COL12A1: variants seen among roughly 807,000 people sequenced by gnomAD.
COL12A1 encodes collagen alpha-1(XII) chain.
Under a neutral mutation model 349.7 loss-of-function variants are expected in COL12A1, and 114 were observed. The observed-to-expected ratio is 0.33, with a 90% CI of 0.28 to 0.38. The LOEUF (loss-of-function observed/expected upper bound fraction) is 0.38. COL12A1 is among the 10% of genes least tolerant of loss of function. The pLI, the probability that COL12A1 is intolerant of heterozygous loss-of-function variation, is 1.00. For missense variants in COL12A1, 3,284 were observed against 3,756.9 expected, an observed-to-expected ratio of 0.87 and a Z score of 3.29; for synonymous variants, 1,369 against 1,329.0, an observed-to-expected ratio of 1.03 and a Z score of -0.66.
intron 14 of COL12A1, among the ~76,000 whole-genome samples, chr6:75,160,943 A>G (rs922757119): frequency 1.3e-5 from 2 of 152,236 alleles, no homozygotes; most frequent in South Asian, 2.1e-4. Context: ...TGTGTGAGCT[A>G]TATACACATT....
At chr6:75,151,092 C>A in intron 21 of COL12A1, 49 bp downstream of exon 21, 1 of 281,380 alleles carries the variant, frequency 3.6e-6, no homozygotes, top group Non-Finnish European at 6.5e-6. Context: ...AATTATTTGG[C>A]CCAAAATACC....
At chr6:75,192,137 G>C (rs1769963437) in intron 4 of COL12A1, 75 bp downstream of exon 4, 12 of 1,190,918 alleles carry the variant, frequency 1.0e-5, no homozygotes, top group Non-Finnish European at 1.4e-5. Context: ...TATCATAAAA[G>C]ATTAAATCTG....
Position 75,202,701 on chromosome 6 carries a change from G to A in COL12A1, c.73+19C>T. 1.3e-6 allele frequency: 2 copies of A among 1,550,514 alleles called. No homozygotes were observed. Among genetic ancestry groups the A allele is most frequent in the South Asian group, 1.2e-5 (1 of 83,962 alleles). ...GAATTTTGCATTGTCACTCGGTGAA[G>A]GGGAAGGGAGCCTTTTACCTTCTGC... On this transcript the variant is annotated intron_variant, in intron 2 of 65. Transcript: ENST00000322507.
At chr6:75,195,064 T>C in intron 2 of COL12A1, 117 bp from the exon 3 acceptor site, 1 of 579,888 alleles carries the variant, frequency 1.7e-6, no homozygotes, top group Non-Finnish European at 2.9e-6. Context: ...TAAATTTGTT[T>C]CCAACAAATA....
intron 10 of COL12A1, 127 bp downstream of exon 10, chr6:75,182,923 T>G (rs1389737059): frequency 8.5e-7 from 1 of 1,170,250 alleles, no homozygotes; most frequent in African/African-American, 1.5e-5. Flanking sequence ...TCAATAGTTT[T>G]CAATAACATA....
At position 75,106,449 on chromosome 6, in the gene COL12A1, A is replaced by G. The variant is rs763831698; in HGVS notation, c.8148T>C (p.Ser2716=). 6.2e-7 allele frequency: 1 copy of G among 1,613,938 alleles called. No homozygotes were observed. The highest frequency in any genetic ancestry group is 8.5e-7 in the Non-Finnish European group (1 of 1,179,866). The change falls in exon 53 of 66, where the codon AGT becomes AGC. Residue 2716 remains serine (S), a synonymous_variant. Coordinates refer to ENST00000322507, the MANE Select transcript of COL12A1 (RefSeq NM_004370.6). ...FDIVCSPVWT[S]RDRCCDIPSR... ...AGGGAATATCACAGCATCTGTCTCT[A>G]CTGGTCCACACTGGACTGCAGACAA...
At chr6:75,088,458 CA>C (rs3836930) in intron 64 of COL12A1, among the ~76,000 whole-genome samples, 3,313 of 108,772 alleles carry the variant, frequency 0.03, 119 homozygotes, top group East Asian at 0.22. Context: ...TCTATGAGGC[CA>C]AAAAAAAAAC....
chr6:75,108,883 G>T, intron 52 of COL12A1, 135 bp downstream of exon 52: 1 of 893,972 alleles, frequency 1.1e-6, no homozygotes, highest in Non-Finnish European at 1.7e-6. Context: ...CCAATGTTTT[G>T]ATCTGACCAA....
At chr6:75,147,034 CAT>C (rs1162123934) in intron 23 of COL12A1, among the ~76,000 whole-genome samples, 1 of 152,172 alleles carries the variant, frequency 6.6e-6, no homozygotes. Flanking sequence ...AGAATAATTT[CAT>C]ATGTCTCTGG....
At chr6:75,161,383 ATTG>A (rs1292734178) in intron 14 of COL12A1, among the ~76,000 whole-genome samples, 1 of 152,130 alleles carries the variant, frequency 6.6e-6, no homozygotes, top group Non-Finnish European at 1.5e-5. Flanking sequence ...TTATTGTTGT[ATTG>A]TTATTTCTTA....
At chr6:75,193,332 T>C (rs1445149881) in intron 3 of COL12A1, among the ~76,000 whole-genome samples, 1 of 152,142 alleles carries the variant, frequency 6.6e-6, no homozygotes, top group Admixed American at 6.6e-5. Flanking sequence ...GGAGAAAAGA[T>C]TGAAAGAGAA....
chr6:75,134,877 T>TA, intron 31 of COL12A1, 22 bp from the exon 32 acceptor site: 1 of 1,606,452 alleles, frequency 6.2e-7, no homozygotes, highest in Non-Finnish European at 8.5e-7. Flanking sequence ...AGGGTCTTGG[T>TA]AAGTGTCAGC....
intron 39 of COL12A1, among the ~76,000 whole-genome samples, chr6:75,125,513 T>C (rs1765970426): frequency 6.6e-6 from 1 of 152,168 alleles, no homozygotes; most frequent in Non-Finnish European, 1.5e-5. Context: ...ATAGTAGGTA[T>C]ATAATCAATG....
At position 75,086,140 on chromosome 6, in the gene COL12A1, T is replaced by A. The variant is rs1767477063; in HGVS notation, c.*407A>T. 6.5e-6 allele frequency: 1 copy of A among 153,398 alleles called. No homozygotes were observed. The highest frequency in any genetic ancestry group is 2.4e-5 in the African/African-American group (1 of 41,444). 9.5% of individuals were successfully genotyped at this position (153,398 alleles called of 1,614,324 possible). ...GTCGACAGGATCACATACAAATCAT[T>A]TACAAGCCACAATTAGTTTATTATT... On this transcript the variant is annotated 3_prime_UTR_variant, in exon 66 of 66. Coordinates refer to ENST00000322507, the MANE Select transcript of COL12A1 (RefSeq NM_004370.6).
chr6:75,148,222 G>T lies in COL12A1; in HGVS notation c.4287+136C>A, dbSNP rs1297998084. ...TGCCTGCCTAGCAAAGTCAAGAATA[G>T]AAAGCACTATTCTTGACTCATTTCT... On this transcript the variant is annotated intron_variant, in intron 22 of 65. Transcript: ENST00000322507. 1.6e-5 allele frequency: 12 copies of T among 752,668 alleles called. No individual in the cohort carries two copies. In the East Asian group the frequency reaches 3.2e-4, roughly 20 times the overall value. The allele number at this position is 752,668 out of a possible 1,614,324, so 46.6% of individuals were successfully genotyped here.
chr6:75,145,709 G>A (rs1438251706), intron 24 of COL12A1, among the ~76,000 whole-genome samples: 5 of 147,082 alleles, frequency 3.4e-5, no homozygotes, highest in East Asian at 4.1e-4. Flanking sequence ...TCAACTCACC[G>A]CAACTTCCAC....
In COL12A1 at chr6:75,183,988, T is replaced by C; in HGVS notation, c.1154A>G (p.Gln385Arg). Residue 385 changes from glutamine (Q) to arginine (R), a missense_variant, in exon 9 of 66, where the codon CAG (glutamine) becomes CGG (arginine). Gln to Arg is a conservative substitution (Grantham distance 43). Transcript: ENST00000322507. The part of the protein sequence containing the change: ...SRQHALSVGP[Q>R]TTTLSVRDLS... ...GTCGCGAACACTGAGCGTGGTTGTC[T>C]GAGGCCCCACACTCAGAGCGTGCTG... 6.2e-7 allele frequency: 1 copy of C among 1,614,192 alleles called. No homozygotes were observed. The highest frequency in any genetic ancestry group is 8.5e-7 in the Non-Finnish European group (1 of 1,180,034).
chr6:75,151,382 C>A, intron 20 of COL12A1, 95 bp from the exon 21 acceptor site: 1 of 1,157,246 alleles, frequency 8.6e-7, no homozygotes, highest in Non-Finnish European at 1.2e-6. Context: ...TTCATGGCTG[C>A]TTTTGGCCAA....
chr6:75,139,664 T>C (rs1419676622), intron 27 of COL12A1, among the ~76,000 whole-genome samples: 1 of 152,178 alleles, frequency 6.6e-6, no homozygotes, highest in Non-Finnish European at 1.5e-5. Flanking sequence ...AAAGGAACTC[T>C]GAGCATGTTA....
Sources: allele counts gnomAD v4.1 joint callset (sites outside exome capture counted in the v4.1 genomes callset), GRCh38; gene constraint gnomAD v4.1.1; transcripts MANE v1.5; gene names NCBI Gene and HGNC (gene_info 2026-07-23, HGNC 2026-07-21).